The following ARHGEF26 variants were observed in gnomAD, a reference collection of about 807,000 sequenced individuals.
The protein encoded by ARHGEF26 is Rho guanine nucleotide exchange factor 26, also known as Rho guanine nucleotide exchange factor (GEF) 26.
Under a neutral mutation model 89.4 loss-of-function variants are expected in ARHGEF26, and 59 were observed. That is an observed-to-expected ratio of 0.66 (90% CI 0.54 to 0.82). The LOEUF is 0.82. Among genes scored for constraint, ARHGEF26 ranks in the 40% least tolerant of loss-of-function variants. The probability of loss-of-function intolerance (pLI) is 0.00; values close to 1 mark genes in which losing one functional copy is unlikely to be tolerated. For synonymous variants in ARHGEF26, 500 were observed against 428.4 expected, an observed-to-expected ratio of 1.17 and a Z score of -2.06; for missense variants, 1,234 against 1,085.6, an observed-to-expected ratio of 1.14 and a Z score of -1.92.
At chr3:154,203,033 A>G (rs572323151) in intron 9 of ARHGEF26, among the ~76,000 whole-genome samples, 3 of 152,222 alleles carry the variant, frequency 2.0e-5, no homozygotes, top group Admixed American at 2.0e-4. Context: ...TTCCAGCACT[A>G]TATTGAATAG....
At chr3:154,145,573 A>G (rs973544075) in intron 4 of ARHGEF26, among the ~76,000 whole-genome samples, 3 of 152,120 alleles carry the variant, frequency 2.0e-5, no homozygotes, top group African/African-American at 7.2e-5. Context: ...TTGGTTTGTG[A>G]GGCTTTTGGG....
At chr3:154,130,909 C>T (rs1324601648) in intron 4 of ARHGEF26, among the ~76,000 whole-genome samples, 1 of 152,082 alleles carries the variant, frequency 6.6e-6, no homozygotes, top group African/African-American at 2.4e-5. Context: ...TAGCCAGGGC[C>T]GTGGGAATAT....
At chr3:154,127,288 G>T (rs1176498675) in intron 3 of ARHGEF26, among the ~76,000 whole-genome samples, 1 of 152,078 alleles carries the variant, frequency 6.6e-6, no homozygotes, top group Admixed American at 6.6e-5. Context: ...TTTTAATACA[G>T]CTTAAAACAC....
chr3:154,234,170 A>G (rs772733904), intron 11 of ARHGEF26, among the ~76,000 whole-genome samples: 88 of 152,288 alleles, frequency 5.8e-4, no homozygotes, highest in African/African-American at 1.8e-3. Context: ...AGTTACACCT[A>G]CAGCTGGGGC....
At chr3:154,229,927 T>G (rs1716733100) in intron 11 of ARHGEF26, among the ~76,000 whole-genome samples, 1 of 152,200 alleles carries the variant, frequency 6.6e-6, no homozygotes, top group Non-Finnish European at 1.5e-5. Context: ...CATTATAATA[T>G]CCAATATGTG....
At chr3:154,121,384 G>A (rs946000795), upstream of ARHGEF26, 3 of 152,398 alleles carry the variant, frequency 2.0e-5, no homozygotes, top group Admixed American at 6.5e-5. Context: ...AGTCAGGCGT[G>A]GGGGCGGGCC....
Position 154,122,785 on chromosome 3 carries a change from A to C in ARHGEF26, c.793A>C (p.Asn265His), listed in dbSNP as rs767822896. The change falls in exon 2 of 15, where the codon AAC becomes CAC. Residue 265 changes from asparagine (N) to histidine (H), a missense_variant. By Grantham distance (68) the Asn-to-His change is moderately conservative (BLOSUM62 1). Coordinates refer to ENST00000465093, the MANE Select transcript of ARHGEF26 (RefSeq NM_015595.4). ...LASEIKISKS[N>H]NQNVEPHKRL... ...CTCGGAAATTAAAATAAGTAAATCC[A>C]ACAATCAAAATGTGGAGCCCCACAA... 2.5e-6 allele frequency: 4 copies of C among 1,610,944 alleles called. No individual in the cohort carries two copies. In the African/African-American group the frequency reaches 4.0e-5, roughly 16 times the overall value.
At chr3:154,190,705 A>G (rs1331445096) in intron 7 of ARHGEF26, among the ~76,000 whole-genome samples, 1 of 152,208 alleles carries the variant, frequency 6.6e-6, no homozygotes, top group African/African-American at 2.4e-5. Context: ...GTTTCATTAA[A>G]ATGTTATAGC....
At chr3:154,209,740 C>T (rs1715248573) in intron 9 of ARHGEF26, among the ~76,000 whole-genome samples, 1 of 152,174 alleles carries the variant, frequency 6.6e-6, no homozygotes, top group Non-Finnish European at 1.5e-5. Context: ...AAGGTCTGCT[C>T]TAACCACTCC....
At position 154,152,834 on chromosome 3, in the gene ARHGEF26, A is replaced by G. The variant is rs1048320662; in HGVS notation, c.1389A>G (p.Arg463=). Residue 463 remains arginine, a synonymous_variant, in exon 6 of 15, where the codon CGA becomes CGG. Coordinates refer to ENST00000465093, the MANE Select transcript of ARHGEF26 (RefSeq NM_015595.4). The part of the protein sequence containing the change: ...SYLLSLEILI[R]MFKNSKELSD... ...TACTCAGCTTGGAGATCTTGATACG[A>G]ATGTTTAAAAATTCTAAAGAACTGA... The G allele has an allele frequency of 6.3e-7, 1 of 1,575,964 alleles. No homozygotes were observed. Among genetic ancestry groups the G allele is most frequent in the African/African-American group, 1.3e-5 (1 of 74,136 alleles).
intron 6 of ARHGEF26, among the ~76,000 whole-genome samples, chr3:154,185,251 A>C (rs568219615): frequency 3.3e-5 from 5 of 152,186 alleles, no homozygotes; most frequent in Admixed American, 1.3e-4. Flanking sequence ...AAGTTCCTAC[A>C]TTAACCACCC....
rs1717945440 is a variant in ARHGEF26 at position 154,121,855 on chromosome 3, G to T, written c.-51-87G>T. Reference sequence around the variant, plus strand: ...TGCAGTCGTGTCCTGCGCAGCAGCAGGGGGACCGCCGGTCTGGGAGCACGC... The same window carrying T: ...TGCAGTCGTGTCCTGCGCAGCAGCATGGGGACCGCCGGTCTGGGAGCACGC... On this transcript the variant is annotated intron_variant, in intron 1 of 14. Coordinates refer to ENST00000465093, the MANE Select transcript of ARHGEF26 (RefSeq NM_015595.4). 3 of 1,230,236 alleles carry T rather than the reference G, an allele frequency of 2.4e-6. No homozygotes were observed. In the East Asian group the frequency reaches 7.7e-5, roughly 31 times the overall value. The allele number at this position is 1,230,236 out of a possible 1,614,324, so 76.2% of individuals were successfully genotyped here. A position where few individuals can be genotyped will look rare whatever the true frequency, so the allele number is the denominator to read the frequency against.
chr3:154,236,006 G>C (rs1422421798), intron 11 of ARHGEF26, among the ~76,000 whole-genome samples: 1 of 152,070 alleles, frequency 6.6e-6, no homozygotes, highest in African/African-American at 2.4e-5. Context: ...AACCTTTATA[G>C]AAATTATGGG....
intron 6 of ARHGEF26, among the ~76,000 whole-genome samples, chr3:154,161,915 T>G (rs898070331): frequency 6.6e-6 from 1 of 152,176 alleles, no homozygotes; most frequent in Admixed American, 6.5e-5. Flanking sequence ...ATTCTCCTGG[T>G]CACTTTTTGC....
chr3:154,130,099 A>C (rs1718593316), intron 4 of ARHGEF26, among the ~76,000 whole-genome samples: 1 of 149,026 alleles, frequency 6.7e-6, no homozygotes, highest in Non-Finnish European at 1.5e-5. Context: ...ATGTACCTGT[A>C]TATGTATCTC....
intron 9 of ARHGEF26, among the ~76,000 whole-genome samples, chr3:154,217,452 T>A (rs1206639045): frequency 6.6e-6 from 1 of 152,036 alleles, no homozygotes; most frequent in Non-Finnish European, 1.5e-5. Context: ...GTCAGATGAG[T>A]AGGTTGCGAA....
chr3:154,131,840 C>A (rs1718699587), intron 4 of ARHGEF26, among the ~76,000 whole-genome samples: 1 of 152,164 alleles, frequency 6.6e-6, no homozygotes, highest in Admixed American at 6.5e-5. Flanking sequence ...TATACATGAA[C>A]AAATGTATAT....
intron 11 of ARHGEF26, among the ~76,000 whole-genome samples, chr3:154,233,449 T>G (rs1184062206): frequency 6.6e-6 from 1 of 152,192 alleles, no homozygotes; most frequent in Non-Finnish European, 1.5e-5. Flanking sequence ...GGGAAACAAG[T>G]TGAAATCTAC....
intron 4 of ARHGEF26, among the ~76,000 whole-genome samples, chr3:154,140,551 T>C (rs542776784): frequency 6.6e-6 from 1 of 152,060 alleles, no homozygotes; most frequent in East Asian, 1.9e-4. Context: ...GCTTGTCTTT[T>C]TCCTGAAAGC....
Sources: allele counts gnomAD v4.1 joint callset (sites outside exome capture counted in the v4.1 genomes callset), GRCh38; gene constraint gnomAD v4.1.1; transcripts MANE v1.5; gene names NCBI Gene and HGNC (gene_info 2026-07-23, HGNC 2026-07-21).